RBFOX1: variants seen among roughly 807,000 people sequenced by gnomAD.
RBFOX1 encodes the protein RNA binding protein fox-1 homolog 1.
A neutral mutation model predicts 57.7 loss-of-function variants in RBFOX1; 8 were observed. The ratio of observed to expected loss-of-function variants is 0.14; its 90% CI spans 0.08 to 0.25. The LOEUF is 0.25. Ranked by LOEUF, RBFOX1 falls within the 10% of genes least tolerant of loss-of-function variation. RBFOX1 has a pLI of 1.00. For missense variants in RBFOX1, 611 were observed against 548.5 expected (o/e 1.11, Z -1.14); for synonymous variants, 326 against 222.4 (o/e 1.47, Z -4.15).
chr16:5,379,778 G>T (rs956579500), intron 1 of RBFOX1, among the ~76,000 whole-genome samples: 2 of 152,180 alleles, frequency 1.3e-5, no homozygotes, highest in Non-Finnish European at 2.9e-5. Flanking sequence ...TTCCACCAGG[G>T]CTCTCCCTTT....
rs1486694517 is a variant in RBFOX1 at position 5,454,954 on chromosome 16, CCTTCCTTT to C, written c.220-12258_220-12251del. 6.6e-3 allele frequency among the ~76,000 whole-genome samples: 267 copies of C among 40,350 alleles called. 2 individuals carry two copies. Among genetic ancestry groups the C allele is most frequent in the African/African-American group, 0.019 (185 of 9,964 alleles). 26.5% of individuals were successfully genotyped at this position (40,350 alleles called of 152,430 possible). On this transcript the variant is annotated intron_variant, in intron 1 of 2. Transcript: ENST00000585867. ...TCCTTCCTTCCTTCCTTCCTTCCTTCCTTCCTTTCTTTCTTTCTTTCTTTCTTTCTTTC... is the reference window on the plus strand; with the variant it reads ...TCCTTCCTTCCTTCCTTCCTTCCTTCCTTTCTTTCTTTCTTTCTTTCTTTC...
At chr16:7,393,893 G>A (rs557240364) in intron 4 of RBFOX1, among the ~76,000 whole-genome samples, 1 of 152,196 alleles carries the variant, frequency 6.6e-6, no homozygotes, top group East Asian at 1.9e-4. Flanking sequence ...ACGTCAGCAG[G>A]AAGATGGTTC....
chr16:6,160,433 C>T (rs550589951), intron 1 of RBFOX1, among the ~76,000 whole-genome samples: 2 of 152,278 alleles, frequency 1.3e-5, no homozygotes, highest in Admixed American at 6.5e-5. Context: ...GGAAGTCAAC[C>T]TTGATGCTTC....
intron 4 of RBFOX1, among the ~76,000 whole-genome samples, chr16:7,177,599 G>A (rs1035654297): frequency 6.6e-6 from 1 of 152,130 alleles, no homozygotes; most frequent in Non-Finnish European, 1.5e-5. Flanking sequence ...TGTAGAACAG[G>A]TTGCTTGCTG....
At chr16:6,215,070 GGAGATGGGGA>G (rs1488418664) in intron 1 of RBFOX1, among the ~76,000 whole-genome samples, 3 of 135,352 alleles carry the variant, frequency 2.2e-5, no homozygotes, top group Middle Eastern at 4.7e-3. Context: ...AGAGGGACGG[GGAGATGGGGA>G]GAGAGAAGGA....
At chr16:5,590,489 A>G (rs7196384) in intron 2 of RBFOX1, among the ~76,000 whole-genome samples, 4,050 of 152,222 alleles carry the variant, frequency 0.027, 176 homozygotes, top group African/African-American at 0.089. Context: ...TTGATTCAGA[A>G]TGGGCAGGGG....
At chr16:7,263,652 C>T (rs760318797) in intron 4 of RBFOX1, among the ~76,000 whole-genome samples, 3 of 151,918 alleles carry the variant, frequency 2.0e-5, no homozygotes, top group Non-Finnish European at 2.9e-5. Flanking sequence ...AATCCCAGCA[C>T]AGAGAGGCCG....
At chr16:5,872,420 T>G (rs1173543135) in intron 4 of RBFOX1, among the ~76,000 whole-genome samples, 1 of 152,144 alleles carries the variant, frequency 6.6e-6, no homozygotes, top group African/African-American at 2.4e-5. Flanking sequence ...TGTTTGAACT[T>G]TAAATGAAAT....
chr16:5,674,838 G>C (rs549780472), intron 3 of RBFOX1, among the ~76,000 whole-genome samples: 1 of 152,112 alleles, frequency 6.6e-6, no homozygotes, highest in Non-Finnish European at 1.5e-5. Context: ...CACGTAGTAC[G>C]TTATGTAAAA....
intron 3 of RBFOX1, among the ~76,000 whole-genome samples, chr16:6,872,100 A>C (rs1029345576): frequency 2.6e-5 from 4 of 152,108 alleles, no homozygotes; most frequent in African/African-American, 9.7e-5. Context: ...GCATAATTGT[A>C]ATGGTACCTG....
intron 1 of RBFOX1, among the ~76,000 whole-genome samples, chr16:6,246,936 G>A (rs1465796523): frequency 6.6e-6 from 1 of 152,146 alleles, no homozygotes; most frequent in African/African-American, 2.4e-5. Context: ...CAGGTGTGGT[G>A]GCAGATGCCT....
chr16:6,116,889 A>G (rs767428272), intron 1 of RBFOX1, among the ~76,000 whole-genome samples: 1 of 152,060 alleles, frequency 6.6e-6, no homozygotes, highest in Non-Finnish European at 1.5e-5. Context: ...TTGAGAAGAG[A>G]TAAGATGAAA....
chr16:7,158,763 CT>C (rs1200665999), intron 4 of RBFOX1, among the ~76,000 whole-genome samples: 6 of 151,340 alleles, frequency 4.0e-5, no homozygotes, highest in African/African-American at 1.5e-4. Context: ...GTGTGCATGT[CT>C]GTGAGTAGTG....
chr16:5,500,072 G>A (rs953099406), intron 2 of RBFOX1, among the ~76,000 whole-genome samples: 21 of 150,966 alleles, frequency 1.4e-4, no homozygotes, highest in African/African-American at 5.2e-4. Context: ...CTAATCATCA[G>A]CCTGCCTTCC....
intron 4 of RBFOX1, among the ~76,000 whole-genome samples, chr16:7,138,584 C>G (rs573209661): frequency 6.6e-6 from 1 of 152,272 alleles, no homozygotes; most frequent in East Asian, 1.9e-4. Flanking sequence ...CCCCACTTTT[C>G]CTTCATGGCC....
chr16:7,494,462 A>AT (rs896561189), intron 4 of RBFOX1, among the ~76,000 whole-genome samples: 1 of 151,868 alleles, frequency 6.6e-6, no homozygotes, highest in Non-Finnish European at 1.5e-5. Flanking sequence ...TTGATGGATT[A>AT]TTTTTTCTGG....
At chr16:7,668,676 A>ACG (rs1555744574) in intron 13 of RBFOX1, among the ~76,000 whole-genome samples, 1 of 151,958 alleles carries the variant, frequency 6.6e-6, no homozygotes, top group Non-Finnish European at 1.5e-5. Context: ...ACACACACAC[A>ACG]CACACTTTTG....
chr16:5,959,369 A>C (rs987334589), intron 4 of RBFOX1, among the ~76,000 whole-genome samples: 1 of 152,188 alleles, frequency 6.6e-6, no homozygotes, highest in Non-Finnish European at 1.5e-5. Context: ...CTCAGGCCCC[A>C]AAGGTCAACT....
At chr16:6,760,376 A>T (rs867169892) in intron 3 of RBFOX1, among the ~76,000 whole-genome samples, 1 of 152,174 alleles carries the variant, frequency 6.6e-6, no homozygotes, top group South Asian at 2.1e-4. Flanking sequence ...AAGCAAATGG[A>T]ATTCTTCAAC....
Sources: allele counts gnomAD v4.1 joint callset (sites outside exome capture counted in the v4.1 genomes callset), GRCh38; gene constraint gnomAD v4.1.1; transcripts MANE v1.5; gene names NCBI Gene and HGNC (gene_info 2026-07-23, HGNC 2026-07-21).